DGCR2: variants seen among roughly 807,000 people sequenced by gnomAD.
The protein encoded by DGCR2 is DiGeorge syndrome critical region gene 2, also known as integral membrane protein DGCR2/IDD.
DGCR2 carries 24 observed loss-of-function variants against 51.6 expected under a neutral mutation model. That is an observed-to-expected ratio of 0.47 (90% confidence interval 0.34 to 0.65). The LOEUF is 0.65. Among genes scored for constraint, DGCR2 ranks in the 30% least tolerant of loss-of-function variants. The probability of loss-of-function intolerance (pLI) is 0.01; values close to 1 mark genes in which losing one functional copy is unlikely to be tolerated. For missense variants in DGCR2, 765 were observed against 772.1 expected, an observed-to-expected ratio of 0.99 and a Z score of 0.11; for synonymous variants, 340 against 315.4, an observed-to-expected ratio of 1.08 and a Z score of -0.82.
chr22:19,105,133 G>A (rs915596535), intron 1 of DGCR2, among the ~76,000 whole-genome samples: 19 of 152,158 alleles, frequency 1.2e-4, no homozygotes, highest in African/African-American at 4.3e-4. Flanking sequence ...GACCAGCCTG[G>A]ACAGCATGGC....
rs114368486 is a variant in DGCR2 at position 19,054,310 on chromosome 22, T to A, written c.802+2676A>T. Among the ~76,000 whole-genome samples, 825 of 152,320 alleles carry A rather than the reference T, an allele frequency of 5.4e-3. 3 individuals carry two copies. Among genetic ancestry groups the A allele is most frequent in the African/African-American group, 0.019 (786 of 41,562 alleles). ...AGAAGAAACATGTAGAGAAAGTGAA[T>A]GATAAAGCAAATGCAGTAAAACTGA... is the stretch of plus-strand genomic sequence containing the variant. On this transcript the variant is annotated intron_variant, in intron 6 of 9. Coordinates refer to ENST00000263196, the MANE Select transcript of DGCR2 (RefSeq NM_005137.3).
chr22:19,062,778 C>CTCTCTCTTCTCTCTCTTCTCTCT, intron 5 of DGCR2, among the ~76,000 whole-genome samples: 1 of 133,588 alleles, frequency 7.5e-6, no homozygotes, highest in Admixed American at 7.7e-5. Context: ...CATGCATGCT[C>CTCTCTCTTCTCTCTCTTCTCTCT]ACTCTCTCTC....
At chr22:19,069,913 C>A (rs528788339) in intron 2 of DGCR2, among the ~76,000 whole-genome samples, 41 of 152,312 alleles carry the variant, frequency 2.7e-4, no homozygotes, top group South Asian at 8.3e-4. Flanking sequence ...GTGTCCGAGA[C>A]ACTTTCAACA....
Position 19,063,189 on chromosome 22 carries a change from CAGA to C in DGCR2, c.625+10_625+12del, listed in dbSNP as rs2082705452. On this transcript the variant is annotated intron_variant, in intron 5 of 9. Transcript: ENST00000263196. Reference sequence around the variant, plus strand: ...CCCAGCTTCAAACACTCCCACACACCAGAAGGGCTCACCTTTGAATGCCACCTC... The same window carrying C: ...CCCAGCTTCAAACACTCCCACACACCAGGGCTCACCTTTGAATGCCACCTC... 6.2e-7 allele frequency: 1 copy of C among 1,613,736 alleles called. No individual in the cohort carries two copies. Among genetic ancestry groups the C allele is most frequent in the Non-Finnish European group, 8.5e-7 (1 of 1,179,624 alleles).
chr22:19,114,630 A>G (rs530823208), intron 1 of DGCR2, among the ~76,000 whole-genome samples: 10 of 152,334 alleles, frequency 6.6e-5, no homozygotes, highest in East Asian at 1.9e-4. Context: ...CCTAGTTTCA[A>G]TGGAGCATCT....
chr22:19,065,201 A>G, intron 3 of DGCR2, 134 bp from the exon 4 acceptor site: 2 of 728,202 alleles, frequency 2.7e-6, no homozygotes, highest in South Asian at 3.6e-5. Flanking sequence ...TCAAGAGGAC[A>G]AGGTCTGCTT....
At chr22:19,095,598 T>G (rs1601280779) in intron 1 of DGCR2, among the ~76,000 whole-genome samples, 1 of 143,872 alleles carries the variant, frequency 7.0e-6, no homozygotes. Context: ...GAAGCAGAGC[T>G]GGCAGTGAGC....
At chr22:19,120,466 T>G (rs917210354) in intron 1 of DGCR2, among the ~76,000 whole-genome samples, 3 of 152,338 alleles carry the variant, frequency 2.0e-5, no homozygotes, top group Non-Finnish European at 1.5e-5. Flanking sequence ...GGCTTGTTCT[T>G]GTCACTTGGA....
chr22:19,068,803 G>A (rs930921689), intron 2 of DGCR2, among the ~76,000 whole-genome samples: 7 of 152,276 alleles, frequency 4.6e-5, no homozygotes, highest in African/African-American at 1.7e-4. Context: ...AGGCCCTGGT[G>A]TGCAGCAGGT....
chr22:19,100,089 G>C (rs1652134755), intron 1 of DGCR2, among the ~76,000 whole-genome samples: 1 of 152,002 alleles, frequency 6.6e-6, no homozygotes, highest in Non-Finnish European at 1.5e-5. Flanking sequence ...GCCTGGACAA[G>C]GCGAAACCCT....
At chr22:19,067,335 CTCATGCCCCTTTAAAATTTCAATGTCA>C (rs956889542) in intron 3 of DGCR2, among the ~76,000 whole-genome samples, 6 of 152,206 alleles carry the variant, frequency 3.9e-5, no homozygotes, top group African/African-American at 1.4e-4. Flanking sequence ...CCTTGATGAT[CTCATGCCCCTTTAAAATTTCAATGTCA>C]TAGGTAATTT....
At chr22:19,114,336 C>T (rs1312916628) in intron 1 of DGCR2, among the ~76,000 whole-genome samples, 1 of 152,240 alleles carries the variant, frequency 6.6e-6, no homozygotes, top group Admixed American at 6.5e-5. Flanking sequence ...AGATCTTCTA[C>T]ACCCTTGGGC....
At chr22:19,062,774 T>TTTTCTTTCTTTC (rs1569052709) in intron 5 of DGCR2, among the ~76,000 whole-genome samples, 1 of 113,872 alleles carries the variant, frequency 8.8e-6, no homozygotes, top group Non-Finnish European at 1.9e-5. Flanking sequence ...CACACATGCA[T>TTTTCTTTCTTTC]GCTCACTCTC....
intron 1 of DGCR2, among the ~76,000 whole-genome samples, chr22:19,098,256 C>G (rs528040966): frequency 8.6e-5 from 13 of 151,874 alleles, no homozygotes; most frequent in African/African-American, 1.9e-4. Flanking sequence ...ACTCCCCTAA[C>G]TGAGTCGGCC....
chr22:19,102,125 G>A (rs2083208935), intron 1 of DGCR2, among the ~76,000 whole-genome samples: 1 of 152,156 alleles, frequency 6.6e-6, no homozygotes, highest in Non-Finnish European at 1.5e-5. Context: ...GCTACAACAT[G>A]AATGAACCTG....
chr22:19,048,155 G>A (rs891672896), intron 7 of DGCR2: 4 of 506,030 alleles, frequency 7.9e-6, no homozygotes, highest in African/African-American at 7.7e-5. Context: ...GAAGCTGTCA[G>A]TGGTGACTTG....
At chr22:19,051,188 CAA>C (rs61277487) in intron 6 of DGCR2, among the ~76,000 whole-genome samples, 16 of 54,858 alleles carry the variant, frequency 2.9e-4, no homozygotes, top group Admixed American at 7.4e-4. Flanking sequence ...AATTCTGTCA[CAA>C]AAAAAAAAAA....
chr22:19,120,195 G>A (rs2238759), intron 1 of DGCR2, among the ~76,000 whole-genome samples: 2,499 of 152,258 alleles, frequency 0.016, 86 homozygotes, highest in East Asian at 0.062. Context: ...ACGCCTCCAG[G>A]GGTAGCTGCA....
At chr22:19,068,924 A>G (rs2082781883) in intron 2 of DGCR2, among the ~76,000 whole-genome samples, 1 of 151,944 alleles carries the variant, frequency 6.6e-6, no homozygotes, top group Non-Finnish European at 1.5e-5. Context: ...CCACCCACAC[A>G]CTCTCTTTTG....
Sources: allele counts gnomAD v4.1 joint callset (sites outside exome capture counted in the v4.1 genomes callset), GRCh38; gene constraint gnomAD v4.1.1; transcripts MANE v1.5; gene names NCBI Gene and HGNC (gene_info 2026-07-23, HGNC 2026-07-21).